The following TSC22D2 variants were observed in gnomAD, a reference collection of about 807,000 sequenced individuals.
TSC22D2 encodes TSC22 domain family protein 2.
Under a neutral mutation model 50.1 loss-of-function variants are expected in TSC22D2, and 5 were observed. The ratio of observed to expected loss-of-function variants is 0.10; its 90% confidence interval spans 0.05 to 0.21. TSC22D2 has a LOEUF of 0.21. Ranked by LOEUF, TSC22D2 falls within the 10% of genes least tolerant of loss-of-function variation. The pLI is 1.00. For synonymous variants in TSC22D2, 501 were observed against 450.1 expected (o/e 1.11, Z -1.43); for missense variants, 1,003 against 1,015.5 (o/e 0.99, Z 0.17).
At position 150,409,336 on chromosome 3, in the gene TSC22D2, C is replaced by T; in HGVS notation, c.-15C>T. 1.3e-6 allele frequency: 2 copies of T among 1,584,136 alleles called. No individual in the cohort carries two copies. Among genetic ancestry groups the T allele is most frequent in the African/African-American group, 2.7e-5 (2 of 74,246 alleles). ...AGGAGCCGGCGTGCCTCTCTGCCCT[C>T]CAGCCTTCTTCACCATGTCCAAGAT... is the stretch of plus-strand genomic sequence containing the variant. On this transcript the variant is annotated 5_prime_UTR_variant, in exon 1 of 3. Coordinates refer to ENST00000688009, the MANE Select transcript of TSC22D2 (RefSeq NM_001303264.2). The surrounding 1 kb of genome is among the most constrained non-coding windows in gnomAD (Gnocchi z 7.4).
chr3:150,417,699 G>T (rs868017388), intron 1 of TSC22D2, among the ~76,000 whole-genome samples: 3 of 152,040 alleles, frequency 2.0e-5, no homozygotes, highest in African/African-American at 4.8e-5. Flanking sequence ...TGTGGCAAAC[G>T]TGTATCACAG....
Position 150,458,824 on chromosome 3 carries a change from C to CAA in TSC22D2, c.*188_*189insAA. 1.5e-6 allele frequency: 1 copy of CAA among 679,442 alleles called. No individual in the cohort carries two copies. Among genetic ancestry groups the CAA allele is most frequent in the African/African-American group, 1.8e-5 (1 of 55,228 alleles). 42.1% of individuals were successfully genotyped at this position (679,442 alleles called of 1,614,324 possible). ...AGATGTCATGCAGCGCTGTTGATGTCCAGTTCTATGTCATCAGTACACAAG... is the reference window on the plus strand; with the variant it reads ...AGATGTCATGCAGCGCTGTTGATGTCAACAGTTCTATGTCATCAGTACACAAG... On this transcript the variant is annotated 3_prime_UTR_variant, in exon 3 of 3. Transcript: ENST00000688009.
chr3:150,443,840 A>G (rs1720794168), intron 1 of TSC22D2, among the ~76,000 whole-genome samples: 1 of 152,174 alleles, frequency 6.6e-6, no homozygotes, highest in South Asian at 2.1e-4. Flanking sequence ...CCTTAAATCC[A>G]TGATTCTAAT....
chr3:150,452,452 A>T (rs1372202280), intron 1 of TSC22D2, among the ~76,000 whole-genome samples: 1 of 152,134 alleles, frequency 6.6e-6, no homozygotes, highest in Non-Finnish European at 1.5e-5. Context: ...TCTCAAAAAA[A>T]AAAAAGAGAG....
At chr3:150,452,462 G>A (rs954944612) in intron 1 of TSC22D2, among the ~76,000 whole-genome samples, 14 of 151,948 alleles carry the variant, frequency 9.2e-5, no homozygotes, top group African/African-American at 3.4e-4. Flanking sequence ...AAAAAAGAGA[G>A]AGAGATTAAA....
intron 1 of TSC22D2, among the ~76,000 whole-genome samples, chr3:150,448,909 A>C (rs1576556522): frequency 6.6e-6 from 1 of 151,274 alleles, no homozygotes; most frequent in African/African-American, 2.4e-5. Context: ...TAGGGGATAA[A>C]TTTTTAATGT....
intron 1 of TSC22D2, 136 bp from the exon 2 acceptor site, chr3:150,456,940 T>G (rs1721208339): frequency 1.4e-6 from 1 of 727,566 alleles, no homozygotes; most frequent in Non-Finnish European, 2.3e-6. Flanking sequence ...GTACTGAAAT[T>G]GTCAGAACAG....
At chr3:150,421,604 C>G (rs1720011362) in intron 1 of TSC22D2, among the ~76,000 whole-genome samples, 1 of 152,020 alleles carries the variant, frequency 6.6e-6, no homozygotes, top group Admixed American at 6.6e-5. Flanking sequence ...TGAAGTAGGG[C>G]AAGCAATGAG....
At chr3:150,446,337 A>G (rs1720889779) in intron 1 of TSC22D2, among the ~76,000 whole-genome samples, 1 of 152,132 alleles carries the variant, frequency 6.6e-6, no homozygotes, top group South Asian at 2.1e-4. Context: ...TGTTGCCTTT[A>G]TATTTGTTGA....
At position 150,435,343 on chromosome 3, in the gene TSC22D2, A is replaced by G. The variant is rs190947239; in HGVS notation, c.1959-21733A>G. 1.3e-3 allele frequency among the ~76,000 whole-genome samples: 195 copies of G among 152,216 alleles called. 1 individual carries two copies. In the South Asian group the frequency reaches 0.023, roughly 18 times the overall value. On this transcript the variant is annotated intron_variant, in intron 1 of 2. Coordinates refer to ENST00000688009, the MANE Select transcript of TSC22D2 (RefSeq NM_001303264.2). ...TAGCAGTTTTATTTTATTTAGGTAC[A>G]TTTGTACTAATTTTTAAAGTAAATT...
chr3:150,410,783 C>G lies in TSC22D2; in HGVS notation c.1433C>G (p.Pro478Arg). Residue 478 changes from proline (P) to arginine (R), a missense_variant, in exon 1 of 3, where the codon CCC becomes CGC. By Grantham distance (103) the Pro-to-Arg change is moderately radical (BLOSUM62 -2). Transcript: ENST00000688009. The stretch of plus-strand genomic sequence containing the variant: ...CTCGGTCCTGCCGGGGCTGGGCAGC[C>G]CCAGTCCGTGCCTCCGCCGCAGATG... ...PCLGPAGAGQ[P>R]QSVPPPQMGG... 6.2e-7 allele frequency: 1 copy of G among 1,612,340 alleles called. No homozygotes were observed.
intron 1 of TSC22D2, among the ~76,000 whole-genome samples, chr3:150,415,029 G>A (rs61330979): frequency 6.6e-6 from 1 of 151,096 alleles, no homozygotes; most frequent in Non-Finnish European, 1.5e-5. Context: ...ATGTAAATTC[G>A]TATATATGTG....
rs1437321875 is a variant in TSC22D2 at position 150,466,226 on chromosome 3, CAA to C, written c.*7592_*7593del. 6.1e-5 allele frequency: 9 copies of C among 147,096 alleles called. No homozygotes were observed. 9.1% of individuals were successfully genotyped at this position (147,096 alleles called of 1,614,324 possible). On this transcript the variant is annotated 3_prime_UTR_variant, in exon 3 of 3. Transcript: ENST00000688009. ...ACACACACACACACACACACACACA[CAA>C]ATACTGTATAGTGTACTTCTACAAG...
At chr3:150,419,940 A>C (rs1395777907) in intron 1 of TSC22D2, among the ~76,000 whole-genome samples, 1 of 152,180 alleles carries the variant, frequency 6.6e-6, no homozygotes, top group African/African-American at 2.4e-5. Context: ...ATATCAAATA[A>C]ACTGTTAAAA....
At chr3:150,420,441 T>C (rs1284826772) in intron 1 of TSC22D2, among the ~76,000 whole-genome samples, 1 of 152,234 alleles carries the variant, frequency 6.6e-6, no homozygotes, top group Non-Finnish European at 1.5e-5. Context: ...AACTGTGTAC[T>C]ATAGAAAACC....
intron 1 of TSC22D2, among the ~76,000 whole-genome samples, chr3:150,431,224 CAAAAAAAAAAAAAA>C (rs71138443): frequency 1.8e-4 from 5 of 27,962 alleles, no homozygotes; most frequent in Admixed American, 5.3e-4. Flanking sequence ...GGCTCTGTCT[CAAAAAAAAAAAAAA>C]AAAAAAAAAA....
intron 1 of TSC22D2, among the ~76,000 whole-genome samples, chr3:150,421,095 T>C (rs1413457743): frequency 1.3e-5 from 2 of 152,148 alleles, no homozygotes; most frequent in Non-Finnish European, 2.9e-5. Context: ...AAAAAATAAA[T>C]AAATAATAAA....
Position 150,444,828 on chromosome 3 carries a change from C to T in TSC22D2, c.1959-12248C>T, listed in dbSNP as rs367615486. Among the ~76,000 whole-genome samples, 181 of 152,168 alleles carry T rather than the reference C, an allele frequency of 1.2e-3. 1 individual carries two copies. In the South Asian group the frequency reaches 0.022, roughly 19 times the overall value. On this transcript the variant is annotated intron_variant, in intron 1 of 2. Transcript: ENST00000688009. Reference sequence around the variant, plus strand: ...CTTGAGTGAAAAAAACCTAATGACCCTTTAGATTTTATAGTAGTGCTATTT... The same window carrying T: ...CTTGAGTGAAAAAAACCTAATGACCTTTTAGATTTTATAGTAGTGCTATTT...
intron 1 of TSC22D2, among the ~76,000 whole-genome samples, chr3:150,446,907 T>G (rs1315153988): frequency 1.3e-5 from 2 of 152,252 alleles, no homozygotes; most frequent in Admixed American, 6.5e-5. Flanking sequence ...ATAATTTTAC[T>G]TTGTCAAATA....
Sources: allele counts gnomAD v4.1 joint callset (sites outside exome capture counted in the v4.1 genomes callset), GRCh38; gene constraint gnomAD v4.1.1; non-coding constraint Gnocchi (gnomAD v3.1); transcripts MANE v1.5; gene names NCBI Gene and HGNC (gene_info 2026-07-23, HGNC 2026-07-21).